DCAF17: variants seen among roughly 807,000 people sequenced by gnomAD.
The protein encoded by DCAF17 is DDB1 and CUL4 associated factor 17, also known as DDB1- and CUL4-associated factor 17.
A neutral mutation model predicts 66.0 loss-of-function variants in DCAF17; 48 were observed. That is an observed-to-expected ratio of 0.73 (90% CI 0.58 to 0.92). DCAF17 has a LOEUF of 0.92. Ranked by LOEUF, DCAF17 falls within the 40% of genes least tolerant of loss-of-function variation. DCAF17 has a pLI of 0.00. For synonymous variants in DCAF17, 206 were observed against 214.6 expected (o/e 0.96, Z 0.35); for missense variants, 562 against 622.8 (o/e 0.90, Z 1.04).
chr2:171,448,819 T>G lies in DCAF17; in HGVS notation c.458+2T>G. ...TCTTGCACCTTATTGCAAATTCAGG[T>G]ATTTACTGTGAATTTATTATTCAAG... On this transcript the variant is annotated splice_donor_variant, in intron 4 of 13. Coordinates refer to ENST00000375255, the MANE Select transcript of DCAF17 (RefSeq NM_025000.4). LOFTEE classifies it high-confidence loss of function. 6.2e-7 allele frequency: 1 copy of G among 1,610,598 alleles called. No homozygotes were observed. Among genetic ancestry groups the G allele is most frequent in the Non-Finnish European group, 8.5e-7 (1 of 1,177,270 alleles).
chr2:171,479,358 G>A (rs141498116), intron 12 of DCAF17, among the ~76,000 whole-genome samples: 34 of 152,212 alleles, frequency 2.2e-4, no homozygotes, highest in African/African-American at 7.2e-4. Flanking sequence ...TCTGCTTTCC[G>A]TGCAAGGTTT....
At chr2:171,442,740 C>T (rs7576894) in intron 2 of DCAF17, among the ~76,000 whole-genome samples, 29,987 of 151,470 alleles carry the variant, frequency 0.2, 3,129 homozygotes, top group South Asian at 0.28. Context: ...ATTAGCTAAG[C>T]GTAGTAGCAT....
chr2:171,474,518 T>C (rs1366451810), intron 10 of DCAF17: 1 of 164,784 alleles, frequency 6.1e-6, no homozygotes, highest in East Asian at 1.7e-4. Flanking sequence ...ACTTTAATTG[T>C]TGAATGTCCA....
At chr2:171,470,874 A>G (rs879895355) in intron 9 of DCAF17, among the ~76,000 whole-genome samples, 5 of 152,184 alleles carry the variant, frequency 3.3e-5, no homozygotes, top group African/African-American at 4.8e-5. Context: ...TCAACCAACT[A>G]TGGATTGGAA....
intron 2 of DCAF17, among the ~76,000 whole-genome samples, chr2:171,438,734 T>G (rs1413532487): frequency 2.6e-5 from 4 of 152,018 alleles, no homozygotes; most frequent in Non-Finnish European, 5.9e-5. Context: ...AATCTATCTG[T>G]GCCTTTTTTT....
chr2:171,470,062 TGCCTAGC>T (rs1696152888), intron 9 of DCAF17, among the ~76,000 whole-genome samples: 2 of 152,004 alleles, frequency 1.3e-5, no homozygotes, highest in African/African-American at 4.8e-5. Flanking sequence ...CTCACTCTGG[TGCCTAGC>T]CTAGAGTGCA....
chr2:171,454,288 ATTT>A (rs1205261547), intron 6 of DCAF17, among the ~76,000 whole-genome samples: 1 of 144,558 alleles, frequency 6.9e-6, no homozygotes. Flanking sequence ...ATTATTATTA[ATTT>A]TTTTTTTTTT....
At chr2:171,447,670 T>C (rs1694712795) in intron 3 of DCAF17, among the ~76,000 whole-genome samples, 1 of 152,146 alleles carries the variant, frequency 6.6e-6, no homozygotes. Context: ...CCACTTCTTT[T>C]TTTCCTTTTT....
intron 7 of DCAF17, 32 bp downstream of exon 7, chr2:171,458,107 T>G: frequency 6.4e-7 from 1 of 1,559,392 alleles, no homozygotes; most frequent in Non-Finnish European, 8.8e-7. Flanking sequence ...CATGTTACTA[T>G]TAGCATGAGT....
At position 171,448,750 on chromosome 2, in the gene DCAF17, C is replaced by T. The variant is rs1223919095; in HGVS notation, c.391C>T (p.Leu131Phe). The change falls in exon 4 of 14, where the codon CTT (leucine) becomes TTT (phenylalanine). Residue 131 changes from leucine (L) to phenylalanine (F), a missense_variant. By Grantham distance (22) the Leu-to-Phe change is conservative. Transcript: ENST00000375255. ...LIALTAHNWL[L>F]RISATTGKIL... ...AGCACTGACTGCTCATAATTGGCTACTTCGTATATCAGCAACTACGGGAAA... is the reference window on the plus strand; with the variant it reads ...AGCACTGACTGCTCATAATTGGCTATTTCGTATATCAGCAACTACGGGAAA... 3 of 1,613,094 alleles carry T rather than the reference C, an allele frequency of 1.9e-6. No individual in the cohort carries two copies. The highest frequency in any genetic ancestry group is 2.5e-6 in the Non-Finnish European group (3 of 1,179,534).
chr2:171,461,463 T>A (rs565366563), intron 8 of DCAF17, among the ~76,000 whole-genome samples: 15 of 152,148 alleles, frequency 9.9e-5, no homozygotes, highest in African/African-American at 3.6e-4. Context: ...AAATAAAATT[T>A]AAAAATTGGG....
chr2:171,435,277 A>C, intron 2 of DCAF17, 91 bp downstream of exon 2: 6 of 968,550 alleles, frequency 6.2e-6, no homozygotes, highest in Non-Finnish European at 9.9e-6. Flanking sequence ...ATTAGTGCCT[A>C]GTGAAATAGA....
At position 171,466,765 on chromosome 2, in the gene DCAF17, C is replaced by T. The variant is rs553605267; in HGVS notation, c.839-2123C>T. Among the ~76,000 whole-genome samples, 7 of 143,766 alleles carry T rather than the reference C, an allele frequency of 4.9e-5. No homozygotes were observed. In the South Asian group the frequency reaches 1.5e-3, roughly 31 times the overall value. 94.3% of individuals were successfully genotyped at this position (143,766 alleles called of 152,430 possible). ...TTTCTATTTTGAATTCCTATGTCCT[C>T]TATATTGAATTTCATATTCTTTATA... On this transcript the variant is annotated intron_variant, in intron 8 of 13. Transcript: ENST00000375255.
rs188188790 is a variant in DCAF17, at chr2:171,481,281, T to C, written c.*167T>C. 5.3e-5 allele frequency: 44 copies of C among 835,784 alleles called. No individual in the cohort carries two copies. The highest frequency in any genetic ancestry group is 8.7e-5 in the Non-Finnish European group (44 of 505,606). The allele number at this position is 835,784 out of a possible 1,614,324, so 51.8% of individuals were successfully genotyped here. A position where few individuals can be genotyped will look rare whatever the true frequency, so the allele number is the denominator to read the frequency against. On this transcript the variant is annotated 3_prime_UTR_variant, in exon 14 of 14. Coordinates refer to ENST00000375255, the MANE Select transcript of DCAF17 (RefSeq NM_025000.4). ...TTTTTTAAACTCTTGCTGTAAAAGATGGTGAGGACTTCATTTTTTTTAAAG... is the reference window on the plus strand; with the variant it reads ...TTTTTTAAACTCTTGCTGTAAAAGACGGTGAGGACTTCATTTTTTTTAAAG...
intron 6 of DCAF17, among the ~76,000 whole-genome samples, chr2:171,457,692 A>T (rs182148543): frequency 1.4e-4 from 21 of 152,338 alleles, no homozygotes; most frequent in African/African-American, 4.6e-4. Flanking sequence ...TTATTAATAG[A>T]TATTGACAAT....
rs942652786 is a variant in DCAF17, at chr2:171,438,863, A to C, written c.230+3677A>C. ...GCAATCCGACCATCTCAGCCTCCCA[A>C]GTAGCTAGGACTATAGGCATGTGGC... On this transcript the variant is annotated intron_variant, in intron 2 of 13. Coordinates refer to ENST00000375255, the MANE Select transcript of DCAF17 (RefSeq NM_025000.4). 3.2e-5 allele frequency among the ~76,000 whole-genome samples: 4 copies of C among 125,224 alleles called. No individual in the cohort carries two copies. The Admixed American group carries it at 3.5e-4, about 11-fold the overall frequency. The allele number at this position is 125,224 out of a possible 152,430, so 82.2% of individuals were successfully genotyped here. A position where few individuals can be genotyped will look rare whatever the true frequency, so the allele number is the denominator to read the frequency against.
chr2:171,443,601 G>A lies in DCAF17; in HGVS notation c.309G>A (p.Trp103Ter), dbSNP rs1447355457. The A allele has an allele frequency of 6.2e-7, 1 of 1,612,716 alleles. No individual in the cohort carries two copies. The highest frequency in any genetic ancestry group is 8.5e-7 in the Non-Finnish European group (1 of 1,179,206). ...AAAAAATAGAGGATGCTTTATTATG[G>A]GAATGCCCAGTGGTAAGATTTGTTT... ...KSEKIEDALL[W>*]ECPVGDILPN... The change falls in exon 3 of 14, where the codon TGG (tryptophan) becomes TGA (stop). Residue 103 changes from tryptophan (W) to a stop codon, truncating the protein, a stop_gained. Transcript: ENST00000375255. LOFTEE classifies it high-confidence loss of function.
intron 5 of DCAF17, among the ~76,000 whole-genome samples, chr2:171,452,483 C>T (rs1695010722): frequency 6.6e-6 from 1 of 152,100 alleles, no homozygotes; most frequent in South Asian, 2.1e-4. Flanking sequence ...TTAGAGACAG[C>T]ATGTCTGATG....
intron 5 of DCAF17, among the ~76,000 whole-genome samples, chr2:171,451,480 A>T (rs1268998893): frequency 6.6e-6 from 1 of 152,214 alleles, no homozygotes; most frequent in African/African-American, 2.4e-5. Flanking sequence ...GGGATAGTAT[A>T]AAAAAGCAAA....
Sources: gnomAD v4.1 joint callset for allele counts (sites outside exome capture counted in the v4.1 genomes callset) on GRCh38, gnomAD v4.1.1 for gene constraint, MANE v1.5 for transcripts, NCBI Gene and HGNC (gene_info 2026-07-23, HGNC 2026-07-21) for gene names.